The following SCRT1 variants were observed in gnomAD, a reference collection of about 807,000 sequenced individuals.
SCRT1 encodes scratch family transcriptional repressor 1.
In SCRT1, 1 loss-of-function variant was observed where a neutral mutation model predicts 3.4. That is an observed-to-expected ratio of 0.29 (90% CI 0.10 to 1.39). The LOEUF is 1.39. Ranked by LOEUF, SCRT1 falls within the 40% of genes most tolerant of loss-of-function variation. The pLI is 0.42. For missense variants in SCRT1, 380 were observed against 526.3 expected (o/e 0.72, Z 2.72); for synonymous variants, 238 against 247.0 (o/e 0.96, Z 0.34).
chr8:144,336,302 G>A lies in SCRT1; in HGVS notation c.-133C>T. 1.6e-6 allele frequency: 1 copy of A among 619,046 alleles called. No individual in the cohort carries two copies. Among genetic ancestry groups the A allele is most frequent in the East Asian group, 3.1e-5 (1 of 31,958 alleles). The allele number at this position is 619,046 out of a possible 1,614,324, so 38.3% of individuals were successfully genotyped here. On this transcript the variant is annotated 5_prime_UTR_variant, in exon 1 of 2. Transcript: ENST00000569446. The surrounding 1 kb of genome is among the most constrained non-coding windows in gnomAD (Gnocchi z 6.8). ...CCCACTCTGGCCTTTGGATGCTGCC[G>A]CGCGAGTGGTGTCCTCTCTCCTTGC...
Position 144,335,701 on chromosome 8 carries a change from CTT to C in SCRT1, c.115+352_115+353del, listed in dbSNP as rs1224034570. ...GAGGGTGGCGAGGCGGCCCTGGTCT[CTT>C]GAGTGTAGGTCTGTGTGTGCCGGCA... On this transcript the variant is annotated intron_variant, in intron 1 of 1. Transcript: ENST00000569446. This position sits in a 1 kb window ranked among gnomAD's most constrained non-coding sequence, Gnocchi z 7.7. 6.6e-6 allele frequency among the ~76,000 whole-genome samples: 1 copy of C among 152,210 alleles called. No individual in the cohort carries two copies. The highest frequency in any genetic ancestry group is 2.4e-5 in the African/African-American group (1 of 41,454).
At position 144,335,757 on chromosome 8, in the gene SCRT1, T is replaced by A. The variant is rs533308300; in HGVS notation, c.115+298A>T. On this transcript the variant is annotated intron_variant, in intron 1 of 1. Transcript: ENST00000569446. This position sits in a 1 kb window ranked among gnomAD's most constrained non-coding sequence, Gnocchi z 7.7. ...CTGGGTCCCGTCATGGCAGCGCCCA[T>A]GCGGCTGTGTCTGTCCCAGCATGGG... 1.3e-5 allele frequency among the ~76,000 whole-genome samples: 2 copies of A among 152,194 alleles called. No individual in the cohort carries two copies. Among genetic ancestry groups the A allele is most frequent in the African/African-American group, 4.8e-5 (2 of 41,462 alleles).
At position 144,335,859 on chromosome 8, in the gene SCRT1, ACT is replaced by A. The variant is rs1380367144; in HGVS notation, c.115+194_115+195del. On this transcript the variant is annotated intron_variant, in intron 1 of 1. Coordinates refer to ENST00000569446, the MANE Select transcript of SCRT1 (RefSeq NM_031309.6). This position sits in a 1 kb window ranked among gnomAD's most constrained non-coding sequence, Gnocchi z 7.7. ...TCCCCACCCTCTGTCCAACGTCGAC[ACT>A]CTCCCTGCCCAGCCTTGGCCTCTGT... is the stretch of plus-strand genomic sequence containing the variant. Among the ~76,000 whole-genome samples the A allele has an allele frequency of 1.3e-5, 2 of 150,172 alleles. No homozygotes were observed. The highest frequency in any genetic ancestry group is 1.3e-4 in the Admixed American group (2 of 15,138).
In SCRT1 at chr8:144,336,322, C is replaced by T. The variant is rs1383657878; in HGVS notation, c.-153G>A. ...CTGCCGCGCGAGTGGTGTCCTCTCT[C>T]CTTGCTGCCCTGCGTCTCCTCCGTT... is the stretch of plus-strand genomic sequence containing the variant. On this transcript the variant is annotated 5_prime_UTR_variant, in exon 1 of 2. Transcript: ENST00000569446. This position sits in a 1 kb window ranked among gnomAD's most constrained non-coding sequence, Gnocchi z 6.8. The T allele has an allele frequency of 5.4e-6, 3 of 559,566 alleles. No individual in the cohort carries two copies. Among genetic ancestry groups the T allele is most frequent in the Non-Finnish European group, 9.6e-6 (3 of 313,308 alleles). The allele number at this position is 559,566 out of a possible 1,614,324, so 34.7% of individuals were successfully genotyped here.
Position 144,331,606 on chromosome 8 carries a change from C to G in SCRT1, c.*1579G>C, listed in dbSNP as rs1218369816. On this transcript the variant is annotated 3_prime_UTR_variant, in exon 2 of 2. Coordinates refer to ENST00000569446, the MANE Select transcript of SCRT1 (RefSeq NM_031309.6). ...ACATAGTAGGTGCTCAATGAACGGTCAGTGAATGATTAATGCCTGAAGGAG... is the reference window on the plus strand; with the variant it reads ...ACATAGTAGGTGCTCAATGAACGGTGAGTGAATGATTAATGCCTGAAGGAG... 6.6e-6 allele frequency: 1 copy of G among 152,296 alleles called. No homozygotes were observed. Among genetic ancestry groups the G allele is most frequent in the Admixed American group, 6.5e-5 (1 of 15,288 alleles). 9.4% of individuals were successfully genotyped at this position (152,296 alleles called of 1,614,324 possible). A position where few individuals can be genotyped will look rare whatever the true frequency, so the allele number is the denominator to read the frequency against.
At position 144,333,841 on chromosome 8, in the gene SCRT1, C is replaced by T; in HGVS notation, c.391G>A (p.Ala131Thr). The change falls in exon 2 of 2, where the codon GCC (alanine) becomes ACC (threonine). Residue 131 changes from alanine (A) to threonine (T), a missense_variant. Physicochemically the swap from Ala to Thr is moderately conservative, Grantham distance 58 (BLOSUM62 0). This residue lies in a region of SCRT1 where 115 missense variants were observed against 107.3 expected (regional missense o/e 1.07). Coordinates refer to ENST00000569446, the MANE Select transcript of SCRT1 (RefSeq NM_031309.6). Reference sequence around the variant, plus strand: ...GTGGAGGGAGCGGCGGCAGCGCCGGCATTGGAAGCCTTACGCCGCGAGCGC... The same window carrying T: ...GTGGAGGGAGCGGCGGCAGCGCCGGTATTGGAAGCCTTACGCCGCGAGCGC... The part of the protein sequence containing the change: ...DGRSRRKASN[A>T]GAAAAPSTAS... 8.1e-7 allele frequency: 1 copy of T among 1,235,994 alleles called. No homozygotes were observed. Among genetic ancestry groups the T allele is most frequent in the African/African-American group, 1.6e-5 (1 of 64,152 alleles). The allele number at this position is 1,235,994 out of a possible 1,614,324, so 76.6% of individuals were successfully genotyped here.
rs1817740119 is a variant in SCRT1 at position 144,331,219 on chromosome 8, G to A, written c.*1966C>T. 1 of 152,332 alleles carries A rather than the reference G, an allele frequency of 6.6e-6. No homozygotes were observed. The highest frequency in any genetic ancestry group is 2.4e-5 in the African/African-American group (1 of 41,442). 9.4% of individuals were successfully genotyped at this position (152,332 alleles called of 1,614,324 possible). A position where few individuals can be genotyped will look rare whatever the true frequency, so the allele number is the denominator to read the frequency against. On this transcript the variant is annotated 3_prime_UTR_variant, in exon 2 of 2. Coordinates refer to ENST00000569446, the MANE Select transcript of SCRT1 (RefSeq NM_031309.6). ...ACGCTTGCTGCTGGGGGTGAGGCTG[G>A]CCACACCATAGGCTACAGCTGGCAC...
At position 144,333,670 on chromosome 8, in the gene SCRT1, C is replaced by T. The variant is rs1554849906; in HGVS notation, c.562G>A (p.Gly188Ser). The change falls in exon 2 of 2, where the codon GGC (glycine) becomes AGC (serine). Residue 188 changes from glycine (G) to serine (S), a missense_variant. Gly to Ser is a moderately conservative substitution (Grantham distance 56, BLOSUM62 0). This residue lies in a region of SCRT1 where 115 missense variants were observed against 107.3 expected (regional missense o/e 1.07). Transcript: ENST00000569446. The part of the protein sequence containing the change: ...ARAGPGAAGA[G>S]GRHACGECGK... ...CACTCGCCGCACGCGTGCCGGCCGC[C>T]AGCACCTGCGGCCCCTGGCCCCGCG... is the stretch of plus-strand genomic sequence containing the variant. The T allele has an allele frequency of 1.3e-6, 2 of 1,519,110 alleles. No homozygotes were observed. The allele number at this position is 1,519,110 out of a possible 1,614,324, so 94.1% of individuals were successfully genotyped here.
rs1817764681 is a variant in SCRT1, at chr8:144,331,841, A to G, written c.*1344T>C. On this transcript the variant is annotated 3_prime_UTR_variant, in exon 2 of 2. Coordinates refer to ENST00000569446, the MANE Select transcript of SCRT1 (RefSeq NM_031309.6). ...GGCGGCAGCTTCGCATGCAGTGCGCATTATTGCTCTATAGTCGGCTTCGGA... is the reference window on the plus strand; with the variant it reads ...GGCGGCAGCTTCGCATGCAGTGCGCGTTATTGCTCTATAGTCGGCTTCGGA... 1.3e-5 allele frequency: 2 copies of G among 152,220 alleles called. No homozygotes were observed. Among genetic ancestry groups the G allele is most frequent in the Admixed American group, 6.5e-5 (1 of 15,268 alleles). The allele number at this position is 152,220 out of a possible 1,614,324, so 9.4% of individuals were successfully genotyped here.
In SCRT1 at chr8:144,332,026, A is replaced by G. The variant is rs1317490391; in HGVS notation, c.*1159T>C. 1 of 48,716 alleles carries G rather than the reference A, an allele frequency of 2.1e-5. No homozygotes were observed. Among genetic ancestry groups the G allele is most frequent in the Non-Finnish European group, 4.1e-5 (1 of 24,206 alleles). The allele number at this position is 48,716 out of a possible 1,614,324, so 3.0% of individuals were successfully genotyped here. On this transcript the variant is annotated 3_prime_UTR_variant, in exon 2 of 2. Coordinates refer to ENST00000569446, the MANE Select transcript of SCRT1 (RefSeq NM_031309.6). The stretch of plus-strand genomic sequence containing the variant: ...ATAGACGGGCGAAAGTTGGCAACCG[A>G]GTGGGGGCGGGGCCTGGGTCTCAGG...
rs1554850200 is a variant in SCRT1 at position 144,335,441 on chromosome 8, C to A, written c.115+614G>T. On this transcript the variant is annotated intron_variant, in intron 1 of 1. Coordinates refer to ENST00000569446, the MANE Select transcript of SCRT1 (RefSeq NM_031309.6). This position sits in a 1 kb window ranked among gnomAD's most constrained non-coding sequence, Gnocchi z 7.7. ...GCTGACAGTTGTCCTTGAACTTGGG[C>A]ACCCTTACACAAAGAGCCTCCCCCT... Among the ~76,000 whole-genome samples, 1 of 152,162 alleles carries A rather than the reference C, an allele frequency of 6.6e-6. No homozygotes were observed. The highest frequency in any genetic ancestry group is 1.5e-5 in the Non-Finnish European group (1 of 68,016).
In SCRT1 at chr8:144,333,518, G is replaced by A. The variant is rs781905536; in HGVS notation, c.714C>T (p.Ala238=). ...GKVYVSMPAM[A]MHLLTHDLRH... ...GCAGGTCGTGCGTGAGCAGGTGCAT[G>A]GCCATGGCCGGCATGGACACGTACA... Residue 238 remains alanine, a synonymous_variant, in exon 2 of 2, where the codon GCC becomes GCT. Transcript: ENST00000569446. The A allele has an allele frequency of 6.2e-7, 1 of 1,606,780 alleles. No homozygotes were observed. Among genetic ancestry groups the A allele is most frequent in the Non-Finnish European group, 8.5e-7 (1 of 1,178,266 alleles).
At position 144,333,374 on chromosome 8, in the gene SCRT1, G is replaced by A. The variant is rs1471510710; in HGVS notation, c.858C>T (p.Ala286=). The change falls in exon 2 of 2, where the codon GCC becomes GCT. Residue 286 remains alanine (A), a synonymous_variant. Transcript: ENST00000569446. ...TGTGCGCGCGCAGGTTGGAGCGGTC[G>A]GCGAAGGCCTTGCCGCAGTGCGCGC... ...FGCAHCGKAF[A]DRSNLRAHMQ... 4 of 1,610,524 alleles carry A rather than the reference G, an allele frequency of 2.5e-6. No homozygotes were observed. Among genetic ancestry groups the A allele is most frequent in the South Asian group, 1.1e-5 (1 of 90,700 alleles).
At position 144,332,534 on chromosome 8, in the gene SCRT1, T is replaced by C. The variant is rs1323958857; in HGVS notation, c.*651A>G. 6.6e-6 allele frequency: 1 copy of C among 152,614 alleles called. No homozygotes were observed. The highest frequency in any genetic ancestry group is 6.5e-5 in the Admixed American group (1 of 15,276). The allele number at this position is 152,614 out of a possible 1,614,324, so 9.5% of individuals were successfully genotyped here. On this transcript the variant is annotated 3_prime_UTR_variant, in exon 2 of 2. Coordinates refer to ENST00000569446, the MANE Select transcript of SCRT1 (RefSeq NM_031309.6). ...GAAGCTGGGCTGGAAGAATTCGGAT[T>C]TGGCAGAGGATGCGAGGCGAGGGTA...
At position 144,332,444 on chromosome 8, in the gene SCRT1, A is replaced by T. The variant is rs1817788945; in HGVS notation, c.*741T>A. 6.8e-6 allele frequency: 1 copy of T among 146,492 alleles called. No individual in the cohort carries two copies. The highest frequency in any genetic ancestry group is 2.2e-4 in the South Asian group (1 of 4,570). 9.1% of individuals were successfully genotyped at this position (146,492 alleles called of 1,614,324 possible). On this transcript the variant is annotated 3_prime_UTR_variant, in exon 2 of 2. Coordinates refer to ENST00000569446, the MANE Select transcript of SCRT1 (RefSeq NM_031309.6). ...GGCAGGGCGGAAGCGGGGTCTGAGG[A>T]GGTCGGATAAGTCCATGCGATTCGA...
rs1442335446 is a variant in SCRT1, at chr8:144,333,032, C to G, written c.*153G>C. On this transcript the variant is annotated 3_prime_UTR_variant, in exon 2 of 2. Coordinates refer to ENST00000569446, the MANE Select transcript of SCRT1 (RefSeq NM_031309.6). Reference sequence around the variant, plus strand: ...TTGCTTGAAGGGGCCGGCAAGGCCCCTGGCGGGCGGGGCGGGGTGGGACCG... The same window carrying G: ...TTGCTTGAAGGGGCCGGCAAGGCCCGTGGCGGGCGGGGCGGGGTGGGACCG... 1.6e-6 allele frequency: 1 copy of G among 623,484 alleles called. No homozygotes were observed. Among genetic ancestry groups the G allele is most frequent in the Admixed American group, 3.8e-5 (1 of 26,280 alleles). 38.6% of individuals were successfully genotyped at this position (623,484 alleles called of 1,614,324 possible). A position where few individuals can be genotyped will look rare whatever the true frequency, so the allele number is the denominator to read the frequency against.
At position 144,333,013 on chromosome 8, in the gene SCRT1, G is replaced by C; in HGVS notation, c.*172C>G. The C allele has an allele frequency of 1.7e-6, 1 of 589,348 alleles. No individual in the cohort carries two copies. The highest frequency in any genetic ancestry group is 2.8e-6 in the Non-Finnish European group (1 of 353,682). 36.5% of individuals were successfully genotyped at this position (589,348 alleles called of 1,614,324 possible). A position where few individuals can be genotyped will look rare whatever the true frequency, so the allele number is the denominator to read the frequency against. On this transcript the variant is annotated 3_prime_UTR_variant, in exon 2 of 2. Transcript: ENST00000569446. ...GTCTCCCCTCGGGACCCTATTGCTT[G>C]AAGGGGCCGGCAAGGCCCCTGGCGG...
At position 144,336,067 on chromosome 8, in the gene SCRT1, G is replaced by C. The variant is rs782735461; in HGVS notation, c.103C>G (p.Leu35Val). ...GACCAGCGCTCACCTTTATCGTGCA[G>C]TGGCGCGCCGAGGTCGCTGCGGGCG... is the stretch of plus-strand genomic sequence containing the variant. ...GRARSDLGAPLHDKGYLSDYV... is the reference protein window; with the variant it reads ...GRARSDLGAPVHDKGYLSDYV... The change falls in exon 1 of 2, where the codon CTG (leucine) becomes GTG (valine). Residue 35 changes from leucine (L) to valine (V), a missense_variant. This residue lies in a region of SCRT1 where 125 missense variants were observed against 132.7 expected (regional missense o/e 0.94). Transcript: ENST00000569446. This position sits in a 1 kb window ranked among gnomAD's most constrained non-coding sequence, Gnocchi z 6.8. The C allele has an allele frequency of 3.5e-5, 56 of 1,605,012 alleles. No homozygotes were observed. Among genetic ancestry groups the C allele is most frequent in the Non-Finnish European group, 4.8e-5 (56 of 1,176,070 alleles).
Position 144,331,021 on chromosome 8 carries a change from T to C in SCRT1, c.*2164A>G, listed in dbSNP as rs890094849. 2 of 152,336 alleles carry C rather than the reference T, an allele frequency of 1.3e-5. No individual in the cohort carries two copies. The highest frequency in any genetic ancestry group is 1.3e-4 in the Admixed American group (2 of 15,272). 9.4% of individuals were successfully genotyped at this position (152,336 alleles called of 1,614,324 possible). A position where few individuals can be genotyped will look rare whatever the true frequency, so the allele number is the denominator to read the frequency against. ...CCCTCCAGCTTTCTCCTTAGGTAGG[T>C]AGACAGGAGTATGGGGTGGGGTGAG... is the stretch of plus-strand genomic sequence containing the variant. On this transcript the variant is annotated 3_prime_UTR_variant, in exon 2 of 2. Transcript: ENST00000569446.
Sources: gnomAD v4.1 joint callset for allele counts (sites outside exome capture counted in the v4.1 genomes callset) on GRCh38, gnomAD v4.1.1 for gene constraint, gnomAD v4.1.1 regional missense constraint, Gnocchi (gnomAD v3.1) non-coding constraint, MANE v1.5 for transcripts, NCBI Gene and HGNC (gene_info 2026-07-23, HGNC 2026-07-21) for gene names.